The following FGF13 variants were observed in gnomAD, a reference collection of about 807,000 sequenced individuals.
FGF13 encodes the protein fibroblast growth factor homologous factor 2.
Under a neutral mutation model 19.5 loss-of-function variants are expected in FGF13, and 2 were observed. The observed-to-expected ratio is 0.10, with a 90% CI of 0.04 to 0.32. The LOEUF (loss-of-function observed/expected upper bound fraction) is 0.32, where lower values mean the gene tolerates loss of function less well. Among genes scored for constraint, FGF13 ranks in the 10% least tolerant of loss-of-function variants. The pLI is 1.00. For synonymous variants in FGF13, 72 were observed against 76.9 expected (o/e 0.94, Z 0.33); for missense variants, 113 against 192.7 (o/e 0.59, Z 2.45).
intron 3 of FGF13, among the ~76,000 whole-genome samples, chrX:138,673,159 T>C (rs1446247301): frequency 9.0e-6 from 1 of 111,398 alleles, no homozygotes; most frequent in African/African-American, 3.3e-5. Context: ...GGGATTTTGC[T>C]GTAAAGGGAA....
intron 1 of FGF13, among the ~76,000 whole-genome samples, chrX:138,916,949 G>C (rs1194053813): frequency 9.0e-6 from 1 of 111,715 alleles, no homozygotes; most frequent in Admixed American, 9.5e-5. Flanking sequence ...TGGATGGAGG[G>C]AGCACGAGTG....
chrX:139,171,895 T>G (rs2084136642), intron 1 of FGF13, among the ~76,000 whole-genome samples: 1 of 112,293 alleles, frequency 8.9e-6, no homozygotes, highest in Admixed American at 9.5e-5. Flanking sequence ...ACATGCAGCT[T>G]ATTCATAAAC....
chrX:139,057,244 A>T (rs942722414), intron 1 of FGF13, among the ~76,000 whole-genome samples: 4 of 111,325 alleles, frequency 3.6e-5, no homozygotes, highest in Non-Finnish European at 7.5e-5. Context: ...ATGACTTAAG[A>T]TTAGTTAATT....
At chrX:138,847,769 G>T (rs190731700) in intron 3 of FGF13, among the ~76,000 whole-genome samples, 4,475 of 111,670 alleles carry the variant, frequency 0.04, 206 homozygotes, top group African/African-American at 0.14. Flanking sequence ...TCAGAGTCAA[G>T]TTTCACATAT....
intron 3 of FGF13, among the ~76,000 whole-genome samples, chrX:138,801,672 C>T (rs1055381547): frequency 8.9e-6 from 1 of 111,738 alleles, no homozygotes; most frequent in African/African-American, 3.2e-5. Context: ...GTTTGCTGAA[C>T]CTGCACCCAA....
chrX:138,794,913 G>C (rs1275594285), intron 3 of FGF13, among the ~76,000 whole-genome samples: 1 of 111,853 alleles, frequency 8.9e-6, no homozygotes, highest in African/African-American at 3.2e-5. Flanking sequence ...AACTGAAGAG[G>C]TATTTTGACA....
chrX:138,916,440 A>T (rs1300904648), intron 1 of FGF13, among the ~76,000 whole-genome samples: 2 of 111,811 alleles, frequency 1.8e-5, no homozygotes, highest in Admixed American at 9.5e-5. Flanking sequence ...TATGATGCAA[A>T]GAAAGGGTCT....
At chrX:139,087,873 G>A (rs1157920745) in intron 1 of FGF13, among the ~76,000 whole-genome samples, 1 of 111,731 alleles carries the variant, frequency 9.0e-6, no homozygotes, top group Admixed American at 9.5e-5. Flanking sequence ...TACCTTACTT[G>A]ATCTTTGTAT....
At chrX:138,724,481 A>G (rs1261833334) in intron 1 of FGF13, among the ~76,000 whole-genome samples, 1 of 111,967 alleles carries the variant, frequency 8.9e-6, no homozygotes, top group Non-Finnish European at 1.9e-5. Flanking sequence ...CCCCCTTGAC[A>G]GAGTCTCAGT....
chrX:139,119,316 C>T (rs2083661197), intron 1 of FGF13, among the ~76,000 whole-genome samples: 1 of 112,501 alleles, frequency 8.9e-6, no homozygotes, highest in Non-Finnish European at 1.9e-5. Flanking sequence ...GTATTCATTA[C>T]AACTATGAGG....
intron 1 of FGF13, among the ~76,000 whole-genome samples, chrX:139,153,558 G>C (rs1255211728): frequency 9.0e-6 from 1 of 110,686 alleles, no homozygotes; most frequent in Non-Finnish European, 1.9e-5. Context: ...ACTCATTCCT[G>C]TGCCACTGGG....
chrX:138,829,725 A>AT (rs752926625), intron 3 of FGF13, among the ~76,000 whole-genome samples: 1,085 of 106,950 alleles, frequency 0.01, 15 homozygotes, highest in African/African-American at 0.034. Context: ...CTTCTATTCT[A>AT]TTTTTTTTTT....
chrX:139,111,226 C>T (rs886534625), intron 1 of FGF13, among the ~76,000 whole-genome samples: 6 of 111,614 alleles, frequency 5.4e-5, no homozygotes, highest in African/African-American at 1.6e-4. Flanking sequence ...TGAGGAGAAG[C>T]GGCCTCTGGC....
chrX:139,012,055 G>A (rs1408450418), intron 1 of FGF13, among the ~76,000 whole-genome samples: 1 of 111,339 alleles, frequency 9.0e-6, no homozygotes, highest in Non-Finnish European at 1.9e-5. Flanking sequence ...CAGTGGCCAA[G>A]CTGAGAATCA....
At chrX:139,127,782 C>T (rs984103394) in intron 1 of FGF13, among the ~76,000 whole-genome samples, 27 of 111,372 alleles carry the variant, frequency 2.4e-4, no homozygotes, top group Non-Finnish European at 4.9e-4. Flanking sequence ...CATATGACCA[C>T]CTTTCAGGGG....
intron 3 of FGF13, among the ~76,000 whole-genome samples, chrX:138,804,801 A>G (rs781695368): frequency 2.9e-4 from 33 of 112,392 alleles, no homozygotes; most frequent in Non-Finnish European, 4.3e-4. Context: ...ACTTGGAAAC[A>G]TATGATTATT....
intron 1 of FGF13, among the ~76,000 whole-genome samples, chrX:138,865,475 T>TC (rs2091316999): frequency 5.3e-5 from 4 of 75,889 alleles, no homozygotes; most frequent in African/African-American, 2.5e-4. Context: ...CTCTCTCTCC[T>TC]CTCTCTCTCT....
downstream of FGF13, among the ~76,000 whole-genome samples, chrX:138,855,801 GA>G (rs1183205301): frequency 3.6e-5 from 4 of 111,711 alleles, no homozygotes; most frequent in Non-Finnish European, 1.9e-5. Context: ...ATAATAAAAG[GA>G]ATGGGGTCTT....
At chrX:139,162,285 C>A (rs960416700) in intron 1 of FGF13, among the ~76,000 whole-genome samples, 1 of 112,078 alleles carries the variant, frequency 8.9e-6, no homozygotes, top group Non-Finnish European at 1.9e-5. Context: ...CTGACAAAAA[C>A]AAGCAATGGG....
Sources: gnomAD v4.1 joint callset for allele counts (sites outside exome capture counted in the v4.1 genomes callset) on GRCh38, gnomAD v4.1.1 for gene constraint, MANE v1.5 for transcripts, NCBI Gene and HGNC (gene_info 2026-07-23, HGNC 2026-07-21) for gene names.